The following WNK2 variants were observed in gnomAD, a reference collection of about 807,000 sequenced individuals.
WNK2 encodes the protein serine/threonine-protein kinase WNK2.
A neutral mutation model predicts 192.1 loss-of-function variants in WNK2; 67 were observed. The ratio of observed to expected loss-of-function variants is 0.35; its 90% CI spans 0.29 to 0.43. The LOEUF (loss-of-function observed/expected upper bound fraction) is 0.43, where lower values mean the gene tolerates loss of function less well. Ranked by LOEUF, WNK2 falls within the 20% of genes least tolerant of loss-of-function variation. The pLI is 1.00. For missense variants in WNK2, 2,698 were observed against 3,089.7 expected (o/e 0.87, Z 3.01); for synonymous variants, 1,439 against 1,393.9 (o/e 1.03, Z -0.72).
Position 93,257,707 on chromosome 9 carries a change from C to T in WNK2, c.2382+568C>T, listed in dbSNP as rs192131181. The stretch of plus-strand genomic sequence containing the variant: ...CAGGGCCGTGTGGCATGTGGCTCCT[C>T]GGAGTTCCAAAGCCAGCCTGTGGCA... On this transcript the variant is annotated intron_variant, in intron 11 of 29. Transcript: ENST00000427277. This position sits in a 1 kb window ranked among gnomAD's most constrained non-coding sequence, Gnocchi z 4.7. Among the ~76,000 whole-genome samples the T allele has an allele frequency of 6.6e-4, 100 of 152,328 alleles. No individual in the cohort carries two copies. The highest frequency in any genetic ancestry group is 2.2e-3 in the African/African-American group (92 of 41,578).
At chr9:93,265,467 G>T (rs1186609331) in intron 16 of WNK2, among the ~76,000 whole-genome samples, 1 of 152,234 alleles carries the variant, frequency 6.6e-6, no homozygotes, top group South Asian at 2.1e-4. Flanking sequence ...GTCAAGCCTA[G>T]TTGGAGGGTC....
intron 2 of WNK2, among the ~76,000 whole-genome samples, chr9:93,226,715 G>T (rs1008924918): frequency 2.0e-5 from 3 of 152,160 alleles, no homozygotes; most frequent in East Asian, 1.9e-4. Context: ...TGAAGATGGG[G>T]GTCCTACCAG....
chr9:93,226,993 G>A (rs943333716), intron 2 of WNK2, among the ~76,000 whole-genome samples: 2 of 152,132 alleles, frequency 1.3e-5, no homozygotes, highest in Non-Finnish European at 2.9e-5. Context: ...GGAGTGGCTG[G>A]ACACAGAGCA....
In WNK2 at chr9:93,275,987, A is replaced by AT. The variant is rs1482112137; in HGVS notation, c.4033+7242dup. ...CTAAATAGAGAAGCATACTGTGTTC[A>AT]TGGATTGGAAGACTCAACATAGTAA... is the stretch of plus-strand genomic sequence containing the variant. On this transcript the variant is annotated intron_variant, in intron 19 of 29. Coordinates refer to ENST00000427277, the MANE Select transcript of WNK2 (RefSeq NM_006648.4). 2.0e-5 allele frequency among the ~76,000 whole-genome samples: 3 copies of AT among 152,358 alleles called. No individual in the cohort carries two copies. The East Asian group carries it at 5.8e-4, about 29-fold the overall frequency.
Position 93,293,013 on chromosome 9 carries a change from G to A in WNK2, c.5548G>A (p.Ala1850Thr), listed in dbSNP as rs146038511. Residue 1850 changes from alanine to threonine, a missense_variant, in exon 23 of 30, where the codon GCC becomes ACC. Transcript: ENST00000427277. ...ATAFLQRPSR[A>T]GSLGPETPSR... Reference sequence around the variant, plus strand: ...CGCCTTCCTGCAGAGGCCTTCTCGGGCCGGCTCGCTGGGCCCCGAGACACC... The same window carrying A: ...CGCCTTCCTGCAGAGGCCTTCTCGGACCGGCTCGCTGGGCCCCGAGACACC... 2.8e-4 allele frequency: 455 copies of A among 1,597,266 alleles called. 4 individuals are homozygous for A. The African/African-American group carries it at 5.2e-3, about 18-fold the overall frequency.
intron 19 of WNK2, among the ~76,000 whole-genome samples, chr9:93,285,949 A>T (rs1848387954): frequency 6.6e-6 from 1 of 152,178 alleles, no homozygotes; most frequent in Non-Finnish European, 1.5e-5. Flanking sequence ...TCTTCTCAAC[A>T]GAAAGAGTTG....
intron 19 of WNK2, among the ~76,000 whole-genome samples, chr9:93,283,377 G>T (rs1197018373): frequency 6.6e-6 from 1 of 152,148 alleles, no homozygotes; most frequent in African/African-American, 2.4e-5. Context: ...CTTTGAAATG[G>T]CTCATAGCAT....
intron 2 of WNK2, among the ~76,000 whole-genome samples, chr9:93,222,519 G>A (rs778530808): frequency 2.6e-5 from 4 of 152,030 alleles, no homozygotes; most frequent in Non-Finnish European, 5.9e-5. Flanking sequence ...CTCCTTCCCT[G>A]GCTGCACTCA....
chr9:93,190,677 C>G lies in WNK2; in HGVS notation c.681+5067C>G, dbSNP rs995822631. ...TTCCGTGGTGGCAGAAACATCCTGC[C>G]TCTGCATTTGTGTCCACAGGCCCTG... On this transcript the variant is annotated intron_variant, in intron 2 of 29. Transcript: ENST00000427277. 2.6e-5 allele frequency among the ~76,000 whole-genome samples: 4 copies of G among 152,390 alleles called. No homozygotes were observed. In the East Asian group the frequency reaches 7.7e-4, roughly 29 times the overall value.
At chr9:93,317,357 C>T (rs1046111098) in intron 28 of WNK2, 163 bp from the exon 29 acceptor site, 9 of 662,836 alleles carry the variant, frequency 1.4e-5, no homozygotes, top group Non-Finnish European at 2.1e-5. Flanking sequence ...CCTGGCCCCA[C>T]ACCATCATTC....
Position 93,239,737 on chromosome 9 carries a change from G to A in WNK2, c.1323-20G>A, listed in dbSNP as rs768300013. The A allele has an allele frequency of 6.5e-7, 1 of 1,541,144 alleles. No individual in the cohort carries two copies. The highest frequency in any genetic ancestry group is 2.0e-5 in the Admixed American group (1 of 50,882). ...GGCCCTGGCGCCCGTGCCCCTGCCTGTCAGCTGCTCTCCCTCCAGGTACGA... is the reference window on the plus strand; with the variant it reads ...GGCCCTGGCGCCCGTGCCCCTGCCTATCAGCTGCTCTCCCTCCAGGTACGA... On this transcript the variant is annotated intron_variant, in intron 6 of 29. Coordinates refer to ENST00000427277, the MANE Select transcript of WNK2 (RefSeq NM_006648.4). This position sits in a 1 kb window ranked among gnomAD's most constrained non-coding sequence, Gnocchi z 4.2.
At chr9:93,186,289 A>G (rs137998291) in intron 2 of WNK2, among the ~76,000 whole-genome samples, 44 of 152,322 alleles carry the variant, frequency 2.9e-4, no homozygotes, top group Admixed American at 7.8e-4. Context: ...AAACCGAGTC[A>G]TGCAGAATGC....
intron 26 of WNK2, among the ~76,000 whole-genome samples, chr9:93,303,976 G>A (rs1852051829): frequency 6.6e-6 from 1 of 152,190 alleles, no homozygotes; most frequent in South Asian, 2.1e-4. Context: ...AGTTGTGGGG[G>A]ACTGAGGTGA....
chr9:93,272,052 G>A (rs1380939081), intron 19 of WNK2, among the ~76,000 whole-genome samples: 1 of 152,198 alleles, frequency 6.6e-6, no homozygotes, highest in Non-Finnish European at 1.5e-5. Context: ...TGAAGCTGAA[G>A]TAAGGCCATT....
intron 21 of WNK2, among the ~76,000 whole-genome samples, chr9:93,291,924 C>T (rs1280382708): frequency 6.6e-6 from 1 of 152,178 alleles, no homozygotes; most frequent in East Asian, 1.9e-4. Context: ...GGGCTGGAAC[C>T]CAGCCCCATT....
intron 2 of WNK2, among the ~76,000 whole-genome samples, chr9:93,227,403 G>A (rs1008670592): frequency 4.6e-5 from 7 of 152,086 alleles, no homozygotes; most frequent in Non-Finnish European, 8.8e-5. Context: ...GTGAGCCACC[G>A]CACCCGGCCG....
intron 2 of WNK2, among the ~76,000 whole-genome samples, chr9:93,197,833 T>C (rs1831548222): frequency 6.6e-6 from 1 of 152,188 alleles, no homozygotes; most frequent in Admixed American, 6.5e-5. Flanking sequence ...GTGTGGTGTT[T>C]CTGTACGACC....
At chr9:93,290,264 C>A (rs967868805) in intron 21 of WNK2, among the ~76,000 whole-genome samples, 2 of 152,030 alleles carry the variant, frequency 1.3e-5, no homozygotes, top group East Asian at 3.9e-4. Context: ...AACCTCTGGC[C>A]CATGAGCTGC....
intron 6 of WNK2, 40 bp downstream of exon 6, chr9:93,238,361 C>A: frequency 6.4e-7 from 1 of 1,558,354 alleles, no homozygotes; most frequent in Non-Finnish European, 8.8e-7. Flanking sequence ...GGTCCATCTC[C>A]AGCTGAACTC....
Sources: gnomAD v4.1 joint callset for allele counts (sites outside exome capture counted in the v4.1 genomes callset) on GRCh38, gnomAD v4.1.1 for gene constraint, Gnocchi (gnomAD v3.1) non-coding constraint, MANE v1.5 for transcripts, NCBI Gene and HGNC (gene_info 2026-07-23, HGNC 2026-07-21) for gene names.